Variants in ADAMTSL3 observed in about 807,000 individuals in gnomAD.
ADAMTSL3 encodes the protein ADAMTS-like protein 3.
In ADAMTSL3, 128 loss-of-function variants were observed where a neutral mutation model predicts 201.7. The observed-to-expected ratio is 0.63, with a 90% CI of 0.55 to 0.73. The LOEUF (loss-of-function observed/expected upper bound fraction) is 0.73, where lower values mean the gene tolerates loss of function less well. ADAMTSL3 is among the 30% of genes least tolerant of loss of function. The pLI is 0.00. For missense variants in ADAMTSL3, 1,990 were observed against 2,119.6 expected, an observed-to-expected ratio of 0.94 and a Z score of 1.20; for synonymous variants, 738 against 748.4, an observed-to-expected ratio of 0.99 and a Z score of 0.23.
At chr15:83,978,140 T>A (rs1170518968) in intron 20 of ADAMTSL3, among the ~76,000 whole-genome samples, 3 of 152,176 alleles carry the variant, frequency 2.0e-5, no homozygotes, top group African/African-American at 7.2e-5. Context: ...TGCAGAAATA[T>A]CCAGCCAGAT....
intron 19 of ADAMTSL3, among the ~76,000 whole-genome samples, chr15:83,948,415 C>G (rs2066697595): frequency 7.4e-6 from 1 of 135,364 alleles, no homozygotes; most frequent in East Asian, 2.0e-4. Context: ...CTTATTTACA[C>G]ACACACACAC....
intron 2 of ADAMTSL3, among the ~76,000 whole-genome samples, chr15:83,663,060 G>C (rs906456312): frequency 9.9e-5 from 15 of 152,076 alleles, no homozygotes; most frequent in African/African-American, 3.6e-4. Context: ...GTGTAGGCTG[G>C]AGAGTTCAAA....
chr15:83,699,695 G>A (rs557578562), intron 2 of ADAMTSL3, among the ~76,000 whole-genome samples: 1 of 152,174 alleles, frequency 6.6e-6, no homozygotes, highest in African/African-American at 2.4e-5. Context: ...TTACTTGTCC[G>A]CACTGAATTC....
At chr15:83,763,605 C>G (rs1049726272) in intron 3 of ADAMTSL3, among the ~76,000 whole-genome samples, 1 of 151,316 alleles carries the variant, frequency 6.6e-6, no homozygotes, top group Non-Finnish European at 1.5e-5. Flanking sequence ...CCCGGGTTCA[C>G]GCCATTCTCC....
At position 84,025,247 on chromosome 15, in the gene ADAMTSL3, A is replaced by C. The variant is rs1374893221; in HGVS notation, c.4467A>C (p.Thr1489=). 1 of 1,604,214 alleles carries C rather than the reference A, an allele frequency of 6.2e-7. No individual in the cohort carries two copies. Among genetic ancestry groups the C allele is most frequent in the Non-Finnish European group, 8.5e-7 (1 of 1,175,984 alleles). ...NIRDCPARWF[T]SVWSQCSVSC... Reference sequence around the variant, plus strand: ...TAGTTTTTGTTCCTAGGTGGTTCACAAGTGTGTGGTCACAGTGCTCTGTGT... The same window carrying C: ...TAGTTTTTGTTCCTAGGTGGTTCACCAGTGTGTGGTCACAGTGCTCTGTGT... Residue 1489 remains threonine (T), a synonymous_variant, in exon 27 of 30, where the codon ACA becomes ACC. Transcript: ENST00000286744.
chr15:83,791,145 A>C (rs1258424494), intron 4 of ADAMTSL3, among the ~76,000 whole-genome samples: 1 of 152,182 alleles, frequency 6.6e-6, no homozygotes, highest in Non-Finnish European at 1.5e-5. Context: ...AATAATATTA[A>C]AATGTTGATA....
intron 3 of ADAMTSL3, among the ~76,000 whole-genome samples, chr15:83,763,853 T>C (rs2062851150): frequency 6.6e-6 from 1 of 152,210 alleles, no homozygotes; most frequent in South Asian, 2.1e-4. Context: ...ATACAATCAT[T>C]GTTAAATAAC....
chr15:84,000,847 T>C (rs2067778585), intron 23 of ADAMTSL3, among the ~76,000 whole-genome samples: 1 of 152,070 alleles, frequency 6.6e-6, no homozygotes, highest in Non-Finnish European at 1.5e-5. Flanking sequence ...AAGCAGAGGA[T>C]GTGAAGGGGA....
chr15:84,027,568 G>A (rs2068333008), intron 27 of ADAMTSL3, among the ~76,000 whole-genome samples: 1 of 152,190 alleles, frequency 6.6e-6, no homozygotes, highest in Non-Finnish European at 1.5e-5. Flanking sequence ...AAATTAGCTG[G>A]GCGTGGTGGC....
intron 8 of ADAMTSL3, among the ~76,000 whole-genome samples, chr15:83,864,448 G>C (rs1016833280): frequency 1.3e-5 from 2 of 152,178 alleles, no homozygotes; most frequent in Non-Finnish European, 2.9e-5. Context: ...GTGATGCAAG[G>C]CTGGTTCAAC....
chr15:84,000,059 CAAA>C (rs1034311967), intron 23 of ADAMTSL3, among the ~76,000 whole-genome samples: 1 of 134,602 alleles, frequency 7.4e-6, no homozygotes, highest in Non-Finnish European at 1.6e-5. Flanking sequence ...TCCCTTTGGC[CAAA>C]AAAAAAAAAG....
At chr15:83,704,532 A>G (rs2141504973) in intron 3 of ADAMTSL3, 24 bp downstream of exon 3, 8 of 1,611,836 alleles carry the variant, frequency 5.0e-6, no homozygotes, top group Admixed American at 1.7e-5. Flanking sequence ...ACAAGGATCT[A>G]CCTTTGGCTT....
intron 3 of ADAMTSL3, among the ~76,000 whole-genome samples, chr15:83,707,596 C>T (rs766602780): frequency 2.6e-5 from 4 of 152,148 alleles, no homozygotes; most frequent in African/African-American, 7.2e-5. Context: ...AACCTCTTTC[C>T]GATCAATATC....
chr15:83,891,366 C>G lies in ADAMTSL3; in HGVS notation c.1249C>G (p.Gln417Glu), dbSNP rs2065495772. ...FKEIMPYDHF[Q>E]PLPRWEHNPW... is the part of the protein sequence containing the mutation. ...AGAGATAATGCCCTATGACCACTTC[C>G]AACCTCTTCCTCGGTGAGTTATATG... Residue 417 changes from glutamine to glutamate, a missense_variant, in exon 12 of 30, where the codon CAA (glutamine) becomes GAA (glutamate). Transcript: ENST00000286744. The G allele has an allele frequency of 1.9e-6, 3 of 1,612,712 alleles. No homozygotes were observed. Among genetic ancestry groups the G allele is most frequent in the Non-Finnish European group, 2.5e-6 (3 of 1,179,020 alleles).
intron 4 of ADAMTSL3, among the ~76,000 whole-genome samples, chr15:83,785,655 C>T (rs758410035): frequency 5.9e-5 from 9 of 152,122 alleles, no homozygotes; most frequent in Non-Finnish European, 1.0e-4. Context: ...TTAGATCCTT[C>T]TCTATGGTAG....
intron 9 of ADAMTSL3, among the ~76,000 whole-genome samples, chr15:83,877,002 C>T (rs1022088539): frequency 6.6e-6 from 1 of 152,198 alleles, no homozygotes; most frequent in Non-Finnish European, 1.5e-5. Flanking sequence ...CCCTATTGGC[C>T]AGGCTGGTCT....
intron 2 of ADAMTSL3, among the ~76,000 whole-genome samples, chr15:83,687,058 T>A (rs757623020): frequency 7.1e-6 from 1 of 141,316 alleles, no homozygotes; most frequent in African/African-American, 2.9e-5. Context: ...AAACAAACAG[T>A]TAGCTGGCAT....
intron 2 of ADAMTSL3, among the ~76,000 whole-genome samples, chr15:83,703,278 C>T (rs1336469035): frequency 6.6e-6 from 1 of 152,120 alleles, no homozygotes; most frequent in Non-Finnish European, 1.5e-5. Flanking sequence ...TCAAATGAGA[C>T]TTTGGACTGT....
Position 83,702,229 on chromosome 15 carries a change from A to T in ADAMTSL3, c.70-2160A>T, listed in dbSNP as rs533332386. On this transcript the variant is annotated intron_variant, in intron 2 of 29. Coordinates refer to ENST00000286744, the MANE Select transcript of ADAMTSL3 (RefSeq NM_207517.3). ...GCAAAGCATTCAAGAGATGACTTGG[A>T]TACTGTTAAAGGCATTCAGTTTAAA... Among the ~76,000 whole-genome samples the T allele has an allele frequency of 2.6e-5, 4 of 152,354 alleles. No homozygotes were observed. In the South Asian group the frequency reaches 8.3e-4, roughly 32 times the overall value.
Sources: allele counts gnomAD v4.1 joint callset (sites outside exome capture counted in the v4.1 genomes callset), GRCh38; gene constraint gnomAD v4.1.1; transcripts MANE v1.5; gene names NCBI Gene and HGNC (gene_info 2026-07-23, HGNC 2026-07-21).